Variants in AFG1L observed in about 807,000 individuals in gnomAD.
AFG1L encodes the protein AFG1 like ATPase, also known as AFG1-like ATPase.
In AFG1L, 53 loss-of-function variants were observed where a neutral mutation model predicts 62.2. That is an observed-to-expected ratio of 0.85 (90% confidence interval 0.68 to 1.07). AFG1L has a LOEUF of 1.07. AFG1L is among the 50% of genes least tolerant of loss of function. The pLI, the probability that AFG1L is intolerant of heterozygous loss-of-function variation, is 0.00. For missense variants in AFG1L, 555 were observed against 590.5 expected (o/e 0.94, Z 0.62); for synonymous variants, 228 against 210.3 (o/e 1.08, Z -0.73).
chr6:108,428,439 A>G (rs1018995282), intron 7 of AFG1L, among the ~76,000 whole-genome samples: 2 of 152,136 alleles, frequency 1.3e-5, no homozygotes, highest in African/African-American at 4.8e-5. Context: ...TTTTGATGTA[A>G]TGGTTTCTTT....
chr6:108,335,463 C>T (rs181203219), intron 2 of AFG1L, among the ~76,000 whole-genome samples: 1 of 152,290 alleles, frequency 6.6e-6, no homozygotes, highest in Admixed American at 6.5e-5. Flanking sequence ...GTGCCTATAT[C>T]CACGTATGTC....
chr6:108,481,806 A>G (rs1159620332), intron 10 of AFG1L, among the ~76,000 whole-genome samples: 1 of 152,230 alleles, frequency 6.6e-6, no homozygotes, highest in Non-Finnish European at 1.5e-5. Flanking sequence ...TAGAGTTGCA[A>G]GCTGAACTAG....
chr6:108,500,601 G>A (rs74420667), intron 10 of AFG1L, among the ~76,000 whole-genome samples: 7 of 152,270 alleles, frequency 4.6e-5, no homozygotes, highest in Admixed American at 2.6e-4. Flanking sequence ...TATTATAAAC[G>A]TGAATGCAGG....
intron 10 of AFG1L, among the ~76,000 whole-genome samples, chr6:108,504,283 A>G (rs1217569630): frequency 6.6e-6 from 1 of 152,214 alleles, no homozygotes; most frequent in African/African-American, 2.4e-5. Context: ...TAGCTTTTAT[A>G]TGAGAGATGT....
At chr6:108,344,327 G>A (rs956556899) in intron 2 of AFG1L, among the ~76,000 whole-genome samples, 8 of 152,228 alleles carry the variant, frequency 5.3e-5, no homozygotes, top group South Asian at 2.1e-4. Context: ...TGGCCAGGCT[G>A]GTCTTGAACT....
At chr6:108,422,312 G>A (rs1473833046) in intron 7 of AFG1L, among the ~76,000 whole-genome samples, 1 of 151,632 alleles carries the variant, frequency 6.6e-6, no homozygotes, top group Non-Finnish European at 1.5e-5. Flanking sequence ...TCTGAGGCAG[G>A]TGGATTACTT....
intron 10 of AFG1L, among the ~76,000 whole-genome samples, chr6:108,491,982 C>T (rs117390793): frequency 0.045 from 6,908 of 152,236 alleles, 231 homozygotes; most frequent in Middle Eastern, 0.099. Flanking sequence ...ACAAAAACAA[C>T]AGCAAAAAGC....
intron 10 of AFG1L, among the ~76,000 whole-genome samples, chr6:108,497,672 AATTG>A (rs1774025647): frequency 6.6e-6 from 1 of 152,166 alleles, no homozygotes; most frequent in African/African-American, 2.4e-5. Context: ...AAAATTCCAA[AATTG>A]ATTATAAAAA....
chr6:108,438,581 T>C (rs1029714780), intron 7 of AFG1L, among the ~76,000 whole-genome samples: 4 of 152,118 alleles, frequency 2.6e-5, no homozygotes, highest in African/African-American at 9.7e-5. Context: ...ATCCTATGTT[T>C]CCTCAACTGT....
intron 5 of AFG1L, among the ~76,000 whole-genome samples, chr6:108,360,915 A>G (rs927327730): frequency 3.3e-5 from 5 of 152,260 alleles, no homozygotes; most frequent in African/African-American, 9.6e-5. Context: ...ATGAACAAGC[A>G]GAGCCTTTGC....
chr6:108,398,724 A>G (rs1781423836), intron 6 of AFG1L, among the ~76,000 whole-genome samples: 2 of 152,018 alleles, frequency 1.3e-5, no homozygotes, highest in South Asian at 2.1e-4. Flanking sequence ...CCCAGTGTGT[A>G]TTCTTGGCAC....
intron 1 of AFG1L, among the ~76,000 whole-genome samples, chr6:108,310,057 A>T (rs930889903): frequency 2.0e-5 from 3 of 152,122 alleles, no homozygotes; most frequent in Non-Finnish European, 4.4e-5. Context: ...GGCTATTCAG[A>T]GATCGGTCCA....
At chr6:108,340,342 TC>T (rs1778634027) in intron 2 of AFG1L, among the ~76,000 whole-genome samples, 1 of 150,660 alleles carries the variant, frequency 6.6e-6, no homozygotes, top group Admixed American at 6.7e-5. Context: ...TAGGATTTTT[TC>T]TAACAGAAAG....
intron 7 of AFG1L, among the ~76,000 whole-genome samples, chr6:108,406,652 G>T (rs560890105): frequency 6.6e-6 from 1 of 152,182 alleles, no homozygotes; most frequent in African/African-American, 2.4e-5. Context: ...TGGCCAGGCT[G>T]GTCTCAAACT....
chr6:108,473,498 T>C (rs1772983827), intron 8 of AFG1L, among the ~76,000 whole-genome samples: 1 of 152,242 alleles, frequency 6.6e-6, no homozygotes, highest in Non-Finnish European at 1.5e-5. Flanking sequence ...CAGACCATAC[T>C]GAGTGGGTGG....
At chr6:108,332,444 A>G (rs1778309055) in intron 2 of AFG1L, among the ~76,000 whole-genome samples, 1 of 152,212 alleles carries the variant, frequency 6.6e-6, no homozygotes, top group African/African-American at 2.4e-5. Flanking sequence ...TTAGTAGGAA[A>G]AGGATTGTCT....
chr6:108,474,118 A>G (rs1285337129), intron 8 of AFG1L, among the ~76,000 whole-genome samples: 1 of 152,136 alleles, frequency 6.6e-6, no homozygotes, highest in East Asian at 1.9e-4. Flanking sequence ...CCACTTTAGA[A>G]GCGAGAACAT....
At chr6:108,472,710 C>T (rs1772946381) in intron 8 of AFG1L, among the ~76,000 whole-genome samples, 1 of 146,896 alleles carries the variant, frequency 6.8e-6, no homozygotes, top group Admixed American at 6.8e-5. Context: ...GATGGAATCT[C>T]GCTCCGTCGC....
intron 2 of AFG1L, among the ~76,000 whole-genome samples, chr6:108,335,459 A>G (rs974124111): frequency 6.6e-6 from 1 of 152,170 alleles, no homozygotes; most frequent in Non-Finnish European, 1.5e-5. Context: ...TTGTGTGCCT[A>G]TATCCACGTA....
Sources: gnomAD v4.1 joint callset for allele counts (sites outside exome capture counted in the v4.1 genomes callset) on GRCh38, gnomAD v4.1.1 for gene constraint, MANE v1.5 for transcripts, NCBI Gene and HGNC (gene_info 2026-07-23, HGNC 2026-07-21) for gene names.